Variants in BLOC1S5 observed in about 807,000 individuals in gnomAD.
BLOC1S5 encodes biogenesis of lysosomal organelles complex 1 subunit 5, also known as biogenesis of lysosome-related organelles complex 1 subunit 5.
In BLOC1S5, 27 loss-of-function variants were observed where a neutral mutation model predicts 24.3. The observed-to-expected ratio is 1.11, with a 90% confidence interval of 0.82 to 1.53. BLOC1S5 has a LOEUF of 1.53. Among genes scored for constraint, BLOC1S5 ranks in the 40% most tolerant of loss-of-function variants. BLOC1S5 has a pLI of 0.00. For missense variants in BLOC1S5, 239 were observed against 229.4 expected (o/e 1.04, Z -0.27); for synonymous variants, 84 against 74.5 (o/e 1.13, Z -0.66).
intron 2 of BLOC1S5, chr6:8,041,999 T>C (rs1324376210): frequency 6.6e-6 from 1 of 152,232 alleles, no homozygotes; most frequent in Non-Finnish European, 1.5e-5. Context: ...GTTGTTAGGT[T>C]ATGACTTATT....
At chr6:8,022,504 A>C (rs1177843717) in intron 4 of BLOC1S5, among the ~76,000 whole-genome samples, 3 of 151,890 alleles carry the variant, frequency 2.0e-5, no homozygotes. Context: ...TCAGTATAAC[A>C]ACTGCCAAAA....
rs1372577166 is a variant in BLOC1S5 at position 8,041,178 on chromosome 6, C to G, written c.286G>C (p.Asp96His). The G allele has an allele frequency of 6.2e-7, 1 of 1,611,590 alleles. No homozygotes were observed. The highest frequency in any genetic ancestry group is 1.7e-5 in the Admixed American group (1 of 59,672). The change falls in exon 3 of 5, where the codon GAC (aspartate) becomes CAC (histidine). Residue 96 changes from aspartate (D) to histidine (H), a missense_variant. Transcript: ENST00000397457. The part of the protein sequence containing the change: ...TNEHTLPKCR[D>H]TMRDSLSQVL... Reference sequence around the variant, plus strand: ...TGGCTGAGGCTGTCCCGCATTGTGTCTCTACATTTGGGAAGAGTATGTTCA... The same window carrying G: ...TGGCTGAGGCTGTCCCGCATTGTGTGTCTACATTTGGGAAGAGTATGTTCA...
rs529826877 is a variant in BLOC1S5, at chr6:8,050,235, TGTGATCA to T, written c.196-8974_196-8968del. On this transcript the variant is annotated intron_variant, in intron 2 of 4. Transcript: ENST00000397457. Reference sequence around the variant, plus strand: ...TATTATTACACCTGTAAGGGTGATCTGTGATCAGTGATCTTTGATGTTACTGTTGTCA... The same window carrying T: ...TATTATTACACCTGTAAGGGTGATCTGTGATCTTTGATGTTACTGTTGTCA... Among the ~76,000 whole-genome samples, 8 of 152,320 alleles carry T rather than the reference TGTGATCA, an allele frequency of 5.3e-5. No individual in the cohort carries two copies. In the South Asian group the frequency reaches 1.7e-3, roughly 32 times the overall value.
At chr6:8,033,754 T>G (rs550654075) in intron 3 of BLOC1S5, among the ~76,000 whole-genome samples, 41 of 152,122 alleles carry the variant, frequency 2.7e-4, no homozygotes, top group African/African-American at 9.4e-4. Flanking sequence ...ATATCCAGAA[T>G]CTACAAAGAA....
intron 2 of BLOC1S5, among the ~76,000 whole-genome samples, chr6:8,041,504 G>C (rs1206158530): frequency 6.6e-6 from 1 of 151,334 alleles, no homozygotes; most frequent in Non-Finnish European, 1.5e-5. Flanking sequence ...AGTAGAGATG[G>C]GGTTTCACTG....
intron 2 of BLOC1S5, among the ~76,000 whole-genome samples, chr6:8,055,928 G>A (rs936202404): frequency 6.6e-6 from 1 of 152,170 alleles, no homozygotes; most frequent in Non-Finnish European, 1.5e-5. Flanking sequence ...GTGTTGGGAG[G>A]TGGGGTCTGG....
At chr6:8,016,717 A>T (rs1220849582) in intron 4 of BLOC1S5, among the ~76,000 whole-genome samples, 1 of 151,810 alleles carries the variant, frequency 6.6e-6, no homozygotes, top group African/African-American at 2.4e-5. Context: ...AAATATAAAA[A>T]TTAGCCGGTG....
At position 8,026,358 on chromosome 6, in the gene BLOC1S5, A is replaced by C; in HGVS notation, c.384+9T>G. 1 of 1,591,992 alleles carries C rather than the reference A, an allele frequency of 6.3e-7. No homozygotes were observed. Among genetic ancestry groups the C allele is most frequent in the African/African-American group, 1.3e-5 (1 of 74,590 alleles). The stretch of plus-strand genomic sequence containing the variant: ...AATTATATGCCTCATTATCTAAATG[A>C]TCTTTTACCTTTTTTCGTTCCTGTT... On this transcript the variant is annotated intron_variant, in intron 4 of 4. Coordinates refer to ENST00000397457, the MANE Select transcript of BLOC1S5 (RefSeq NM_201280.3).
Position 8,041,238 on chromosome 6 carries a change from G to A in BLOC1S5, c.226C>T (p.Leu76Phe), listed in dbSNP as rs765659892. 1.9e-6 allele frequency: 3 copies of A among 1,607,420 alleles called. No individual in the cohort carries two copies. In the East Asian group the frequency reaches 6.7e-5, roughly 36 times the overall value. The change falls in exon 3 of 5, where the codon CTT becomes TTT. Residue 76 changes from leucine to phenylalanine, a missense_variant. Leu to Phe is a conservative substitution (Grantham distance 22, BLOSUM62 0). Transcript: ENST00000397457. ...TGGATCATGTTCTTCAAATTTTCAA[G>A]AACTCGCATTTCTCGAAGACCACGT... Reference protein sequence around the residue: ...EKRGLREMRVLENLKNMIHET... With the variant: ...EKRGLREMRVFENLKNMIHET...
chr6:8,019,236 C>T (rs1248747853), intron 4 of BLOC1S5, among the ~76,000 whole-genome samples: 1 of 151,970 alleles, frequency 6.6e-6, no homozygotes, highest in Non-Finnish European at 1.5e-5. Flanking sequence ...TTCCTAGTTT[C>T]CCACTTGTAA....
chr6:8,022,331 C>T (rs1268051866), intron 4 of BLOC1S5, among the ~76,000 whole-genome samples: 3 of 150,858 alleles, frequency 2.0e-5, no homozygotes, highest in Non-Finnish European at 4.4e-5. Context: ...TCCAAAGTGC[C>T]AACAGTGCTG....
intron 3 of BLOC1S5, among the ~76,000 whole-genome samples, chr6:8,031,888 A>C (rs1763311532): frequency 6.6e-6 from 1 of 152,230 alleles, no homozygotes; most frequent in South Asian, 2.1e-4. Flanking sequence ...CTATTCAACC[A>C]ATGTTGCTGG....
intron 3 of BLOC1S5, among the ~76,000 whole-genome samples, chr6:8,033,580 T>G (rs1204010197): frequency 1.3e-5 from 2 of 152,206 alleles, no homozygotes; most frequent in Non-Finnish European, 2.9e-5. Flanking sequence ...AAGGACTTCA[T>G]GGCTAAAACA....
chr6:8,043,595 T>G (rs1763768319), intron 2 of BLOC1S5, among the ~76,000 whole-genome samples: 1 of 152,148 alleles, frequency 6.6e-6, no homozygotes, highest in South Asian at 2.1e-4. Flanking sequence ...TTCAATGCAA[T>G]GTGGTACCCC....
chr6:8,044,177 A>C (rs990368593), intron 2 of BLOC1S5, among the ~76,000 whole-genome samples: 27 of 149,724 alleles, frequency 1.8e-4, no homozygotes, highest in Middle Eastern at 3.4e-3. Context: ...CTAGCTACTC[A>C]GGAGGCTGAG....
At chr6:8,037,688 A>C (rs1218772075) in intron 3 of BLOC1S5, among the ~76,000 whole-genome samples, 1 of 152,252 alleles carries the variant, frequency 6.6e-6, no homozygotes, top group African/African-American at 2.4e-5. Context: ...AAAAGAACAA[A>C]GCTGGAGGCA....
chr6:8,052,887 G>C (rs1764169388), intron 2 of BLOC1S5, among the ~76,000 whole-genome samples: 2 of 138,800 alleles, frequency 1.4e-5, no homozygotes, highest in South Asian at 4.5e-4. Flanking sequence ...AACAGAGCGA[G>C]ACTCTGTCAA....
chr6:8,027,752 C>T (rs181236052), intron 3 of BLOC1S5, among the ~76,000 whole-genome samples: 9 of 149,908 alleles, frequency 6.0e-5, no homozygotes, highest in African/African-American at 1.5e-4. Context: ...GACAATCGCT[C>T]GAACCTGGTG....
intron 2 of BLOC1S5, among the ~76,000 whole-genome samples, chr6:8,055,611 G>GTGAGA (rs1425332998): frequency 6.6e-6 from 1 of 152,170 alleles, no homozygotes; most frequent in Non-Finnish European, 1.5e-5. Context: ...GGGAGGGGTG[G>GTGAGA]TGAGAATAGC....
Sources: allele counts gnomAD v4.1 joint callset (sites outside exome capture counted in the v4.1 genomes callset), GRCh38; gene constraint gnomAD v4.1.1; transcripts MANE v1.5; gene names NCBI Gene and HGNC (gene_info 2026-07-23, HGNC 2026-07-21).